TSNARE1: variants seen among roughly 807,000 people sequenced by gnomAD.
TSNARE1 encodes the protein t-SNARE domain containing 1, also known as t-SNARE domain-containing protein 1.
A neutral mutation model predicts 62.0 loss-of-function variants in TSNARE1; 49 were observed. The ratio of observed to expected loss-of-function variants is 0.79; its 90% CI spans 0.63 to 1.00. The LOEUF is 1.00. Among genes scored for constraint, TSNARE1 ranks in the 50% least tolerant of loss-of-function variants. TSNARE1 has a pLI of 0.00. For missense variants in TSNARE1, 755 were observed against 700.1 expected, an observed-to-expected ratio of 1.08 and a Z score of -0.88; for synonymous variants, 328 against 294.4, an observed-to-expected ratio of 1.11 and a Z score of -1.17.
At chr8:142,332,636 C>T (rs983061288) in intron 4 of TSNARE1, among the ~76,000 whole-genome samples, 3 of 152,136 alleles carry the variant, frequency 2.0e-5, no homozygotes, top group East Asian at 1.9e-4. Context: ...GTGGATGGAA[C>T]GCTCGCCCGC....
chr8:142,311,292 T>A (rs1286191036), intron 9 of TSNARE1, among the ~76,000 whole-genome samples: 1 of 67,694 alleles, frequency 1.5e-5, no homozygotes, highest in Non-Finnish European at 2.9e-5. Context: ...CCTCTCTAGT[T>A]TTTTTTTTTT....
chr8:142,395,740 C>A (rs1305415812), intron 1 of TSNARE1, among the ~76,000 whole-genome samples: 1 of 152,232 alleles, frequency 6.6e-6, no homozygotes, highest in African/African-American at 2.4e-5. Context: ...CCACGCTCAT[C>A]AGCACCTTCC....
At chr8:142,283,567 T>C (rs1326210511) in intron 11 of TSNARE1, among the ~76,000 whole-genome samples, 4 of 54,754 alleles carry the variant, frequency 7.3e-5, no homozygotes, top group Admixed American at 2.0e-4. Context: ...AGAGGCGGAG[T>C]TAGTGTCTGT....
intron 9 of TSNARE1, among the ~76,000 whole-genome samples, chr8:142,306,246 G>A (rs1248124720): frequency 6.6e-6 from 1 of 152,156 alleles, no homozygotes; most frequent in Non-Finnish European, 1.5e-5. Context: ...CAGAGACAAG[G>A]GGCGACCTCC....
In TSNARE1 at chr8:142,320,634, G is replaced by A. The variant is rs139847518; in HGVS notation, c.894-2000C>T. On this transcript the variant is annotated intron_variant, in intron 6 of 13. Transcript: ENST00000524325. ...AGTCTCTGCTGCTCCTGAATGAGCC[G>A]GACAAATCCCTGCCTTAACACTTTC... Among the ~76,000 whole-genome samples, 137 of 152,276 alleles carry A rather than the reference G, an allele frequency of 9.0e-4. 1 individual carries two copies. In the Middle Eastern group the frequency reaches 0.014, roughly 15 times the overall value.
intron 12 of TSNARE1, among the ~76,000 whole-genome samples, chr8:142,238,729 GCCCCTGCACGCCCGCCCCTGCACGCCCA>G (rs1332108927): frequency 2.0e-4 from 20 of 97,952 alleles, no homozygotes; most frequent in South Asian, 3.6e-4. Flanking sequence ...CTGCACACCC[GCCCCTGCACGCCCGCCCCTGCACGCCCA>G]CCCCTGCACG....
At chr8:142,381,351 G>A (rs936104822) in intron 1 of TSNARE1, among the ~76,000 whole-genome samples, 11 of 152,208 alleles carry the variant, frequency 7.2e-5, no homozygotes, top group South Asian at 2.1e-4. Flanking sequence ...CCCCACGGCC[G>A]GGCAGCAGGT....
chr8:142,235,037 AG>A (rs1817335640), intron 12 of TSNARE1, among the ~76,000 whole-genome samples: 1 of 152,172 alleles, frequency 6.6e-6, no homozygotes, highest in Non-Finnish European at 1.5e-5. Flanking sequence ...AGAAATTCAC[AG>A]AAACGGAGCA....
chr8:142,338,091 A>G (rs533875526), intron 4 of TSNARE1, among the ~76,000 whole-genome samples: 1 of 152,308 alleles, frequency 6.6e-6, no homozygotes, highest in South Asian at 2.1e-4. Context: ...AAACAAAACG[A>G]AACGTCAGCA....
At chr8:142,334,445 A>G (rs1453261340) in intron 4 of TSNARE1, among the ~76,000 whole-genome samples, 1 of 149,944 alleles carries the variant, frequency 6.7e-6, no homozygotes, top group Admixed American at 6.6e-5. Flanking sequence ...TGGGCAGGTG[A>G]CCTGCTCAAG....
At chr8:142,368,428 A>G (rs1022771850) in intron 1 of TSNARE1, among the ~76,000 whole-genome samples, 1 of 151,656 alleles carries the variant, frequency 6.6e-6, no homozygotes, top group African/African-American at 2.4e-5. Context: ...GAAGCTGGAG[A>G]GAGTGCTGCC....
chr8:142,278,590 G>A, intron 11 of TSNARE1: 1 of 985,372 alleles, frequency 1.0e-6, no homozygotes. Flanking sequence ...GAGGCACGGA[G>A]GCGGCAGGAG....
At position 142,278,031 on chromosome 8, in the gene TSNARE1, G is replaced by A. The variant is rs1013047237; in HGVS notation, c.1364-3168C>T. Reference sequence around the variant, plus strand: ...TCAGGAGACAATGTGGCCTCAATGGGGGTGGATCCAGCCATCCCTGGCCTG... The same window carrying A: ...TCAGGAGACAATGTGGCCTCAATGGAGGTGGATCCAGCCATCCCTGGCCTG... On this transcript the variant is annotated intron_variant, in intron 11 of 13. Transcript: ENST00000524325. 4.1e-6 allele frequency: 4 copies of A among 985,226 alleles called. No homozygotes were observed. In the African/African-American group the frequency reaches 7.0e-5, roughly 17 times the overall value. The allele number at this position is 985,226 out of a possible 1,614,324, so 61.0% of individuals were successfully genotyped here.
At chr8:142,348,097 T>C (rs1162216507) in intron 2 of TSNARE1, among the ~76,000 whole-genome samples, 1 of 152,182 alleles carries the variant, frequency 6.6e-6, no homozygotes, top group Non-Finnish European at 1.5e-5. Context: ...AGAAAAAATG[T>C]AAATGCAGAC....
intron 3 of TSNARE1, among the ~76,000 whole-genome samples, chr8:142,345,277 C>T (rs1414846947): frequency 1.3e-5 from 2 of 152,224 alleles, no homozygotes; most frequent in Non-Finnish European, 2.9e-5. Context: ...ACAGGCCTCT[C>T]CCTGGGGGCC....
At chr8:142,269,372 G>T in intron 12 of TSNARE1, 2 of 935,112 alleles carry the variant, frequency 2.1e-6, no homozygotes, top group Non-Finnish European at 2.6e-6. Context: ...AGTGTGGGGT[G>T]AAGGTTGGGG....
intron 1 of TSNARE1, among the ~76,000 whole-genome samples, chr8:142,369,961 C>T (rs887478665): frequency 1.3e-4 from 20 of 152,238 alleles, no homozygotes; most frequent in African/African-American, 4.3e-4. Flanking sequence ...GGAATCTAAC[C>T]CCCAACATGA....
At chr8:142,230,241 G>T (rs1460299906) in intron 12 of TSNARE1, among the ~76,000 whole-genome samples, 1 of 152,222 alleles carries the variant, frequency 6.6e-6, no homozygotes, top group Non-Finnish European at 1.5e-5. Flanking sequence ...AGACCAGGGG[G>T]TGAGAGGCAA....
At chr8:142,279,062 TG>T (rs1820968865) in intron 11 of TSNARE1, among the ~76,000 whole-genome samples, 1 of 152,216 alleles carries the variant, frequency 6.6e-6, no homozygotes, top group Admixed American at 6.5e-5. Context: ...AGCTGTACGC[TG>T]GGGCTCTGGG....
Sources: gnomAD v4.1 joint callset for allele counts (sites outside exome capture counted in the v4.1 genomes callset) on GRCh38, gnomAD v4.1.1 for gene constraint, MANE v1.5 for transcripts, NCBI Gene and HGNC (gene_info 2026-07-23, HGNC 2026-07-21) for gene names.